The following ZNF492 variants were observed in gnomAD, a reference collection of about 807,000 sequenced individuals.
ZNF492 encodes zinc finger protein 492.
Under a neutral mutation model 6.4 loss-of-function variants are expected in ZNF492, and 3 were observed. The ratio of observed to expected loss-of-function variants is 0.47; its 90% CI spans 0.21 to 1.22. The LOEUF is 1.22. Among genes scored for constraint, ZNF492 ranks in the 50% most tolerant of loss-of-function variants. The pLI is 0.22. For synonymous variants in ZNF492, 112 were observed against 205.3 expected, an observed-to-expected ratio of 0.55 and a Z score of 3.89; for missense variants, 356 against 612.5, an observed-to-expected ratio of 0.58 and a Z score of 4.42.
chr19:22,640,198 TCTTGC>T (rs1236020525), intron 1 of ZNF492, among the ~76,000 whole-genome samples: 4 of 151,978 alleles, frequency 2.6e-5, no homozygotes, highest in Non-Finnish European at 5.9e-5. Flanking sequence ...AGTCTCACTC[TCTTGC>T]CTAGGCTGGA....
chr19:22,636,695 C>A (rs990687178), intron 1 of ZNF492, among the ~76,000 whole-genome samples: 1 of 150,552 alleles, frequency 6.6e-6, no homozygotes, highest in Non-Finnish European at 1.5e-5. Context: ...AGGGCAATGG[C>A]ACGATCTTGG....
chr19:22,647,501 A>AT (rs1250501457), intron 1 of ZNF492, among the ~76,000 whole-genome samples: 1 of 148,146 alleles, frequency 6.8e-6, no homozygotes. Flanking sequence ...ACCTCAGGTG[A>AT]TCCCCCCCAA....
At chr19:22,646,271 C>CT (rs1971876490) in intron 1 of ZNF492, among the ~76,000 whole-genome samples, 1 of 152,048 alleles carries the variant, frequency 6.6e-6, no homozygotes, top group Non-Finnish European at 1.5e-5. Flanking sequence ...ATATTTTATT[C>CT]TTTTTGTAGC....
chr19:22,662,088 C>G (rs1298540883), intron 3 of ZNF492, among the ~76,000 whole-genome samples: 1 of 152,148 alleles, frequency 6.6e-6, no homozygotes, highest in African/African-American at 2.4e-5. Flanking sequence ...CCCCCAGCCC[C>G]TCATACCCCG....
At chr19:22,661,651 CAATGGCATG>C (rs1321451835) in intron 3 of ZNF492, among the ~76,000 whole-genome samples, 1 of 151,964 alleles carries the variant, frequency 6.6e-6, no homozygotes, top group Non-Finnish European at 1.5e-5. Flanking sequence ...GGCTGCAGTG[CAATGGCATG>C]GTCTCAGCCC....
intron 1 of ZNF492, among the ~76,000 whole-genome samples, chr19:22,643,541 C>T (rs1313607709): frequency 1.3e-5 from 2 of 152,168 alleles, no homozygotes; most frequent in African/African-American, 4.8e-5. Flanking sequence ...TTATTTAAAA[C>T]ACCCATTCAT....
chr19:22,653,466 A>G (rs765727433), intron 2 of ZNF492, 33 bp downstream of exon 2: 7 of 1,594,226 alleles, frequency 4.4e-6, no homozygotes, highest in South Asian at 3.5e-5. Context: ...ATTCCCTAAT[A>G]TACCCTATAA....
In ZNF492 at chr19:22,665,004, A is replaced by T; in HGVS notation, c.1335A>T (p.Gly445=). 1.9e-6 allele frequency: 3 copies of T among 1,583,756 alleles called. No individual in the cohort carries two copies. The highest frequency in any genetic ancestry group is 1.7e-6 in the Non-Finnish European group (2 of 1,163,998). The change falls in exon 4 of 4, where the codon GGA becomes GGT. Residue 445 remains glycine, a synonymous_variant. Coordinates refer to ENST00000456783, the MANE Select transcript of ZNF492 (RefSeq NM_020855.3). ...CTAAACATAAGGTAATTCATACTGG[A>T]GAGAAGCCCTACAAATATGAAGAAT... ...TLSKHKVIHT[G]EKPYKYEECG...
chr19:22,659,887 A>G (rs1405388333), intron 3 of ZNF492, among the ~76,000 whole-genome samples: 8 of 152,002 alleles, frequency 5.3e-5, no homozygotes, highest in African/African-American at 1.9e-4. Flanking sequence ...GCCAGTCTCG[A>G]ACTCTTGACC....
At position 22,639,396 on chromosome 19, in the gene ZNF492, T is replaced by G. The variant is rs574676008; in HGVS notation, c.-94+4922T>G. On this transcript the variant is annotated intron_variant, in intron 1 of 3. Transcript: ENST00000456783. The stretch of plus-strand genomic sequence containing the variant: ...TTTATTTTGTATTCTGAAATTTTAC[T>G]GAAGTTTTTTGTCAGTTTGAAAAGC... Among the ~76,000 whole-genome samples, 22 of 152,210 alleles carry G rather than the reference T, an allele frequency of 1.4e-4. 1 individual carries two copies. The South Asian group carries it at 4.6e-3, about 32-fold the overall frequency.
At position 22,655,810 on chromosome 19, in the gene ZNF492, C is replaced by CTTTTT. The variant is rs1568355644; in HGVS notation, c.130+1797_130+1798insTTTTT. On this transcript the variant is annotated intron_variant, in intron 3 of 3. Coordinates refer to ENST00000456783, the MANE Select transcript of ZNF492 (RefSeq NM_020855.3). ...GGAGCAAACACCTCTTCAAGTTTTT[C>CTTTTT]TTGTTGTTTTTTTTTTTTTTTTTTT... Among the ~76,000 whole-genome samples the CTTTTT allele has an allele frequency of 5.7e-4, 34 of 59,356 alleles. 1 individual carries two copies. The highest frequency in any genetic ancestry group is 2.5e-3 in the African/African-American group (33 of 13,440). 38.9% of individuals were successfully genotyped at this position (59,356 alleles called of 152,430 possible). A position where few individuals can be genotyped will look rare whatever the true frequency, so the allele number is the denominator to read the frequency against.
At position 22,641,286 on chromosome 19, in the gene ZNF492, C is replaced by A. The variant is rs149056102; in HGVS notation, c.-94+6812C>A. Reference sequence around the variant, plus strand: ...CTGCCTTAGCTGTGTTGCAAAAATTCAGGTATGTTGTATCTTTGTTCTCAT... The same window carrying A: ...CTGCCTTAGCTGTGTTGCAAAAATTAAGGTATGTTGTATCTTTGTTCTCAT... On this transcript the variant is annotated intron_variant, in intron 1 of 3. Coordinates refer to ENST00000456783, the MANE Select transcript of ZNF492 (RefSeq NM_020855.3). Among the ~76,000 whole-genome samples the A allele has an allele frequency of 5.5e-3, 831 of 152,220 alleles. 7 individuals carry two copies. Among genetic ancestry groups the A allele is most frequent in the Admixed American group, 8.9e-3 (136 of 15,274 alleles).
chr19:22,666,232 C>T lies in ZNF492; in HGVS notation c.*967C>T, dbSNP rs536535650. ...GATGGAGTCTTGCTCTATCGCCCCC[C>T]CAGGCTGGAGTACAGTGGCACGATC... On this transcript the variant is annotated 3_prime_UTR_variant, in exon 4 of 4. Transcript: ENST00000456783. 8.0e-5 allele frequency: 12 copies of T among 149,688 alleles called. No homozygotes were observed. Among genetic ancestry groups the T allele is most frequent in the Admixed American group, 2.6e-4 (4 of 15,104 alleles). The allele number at this position is 149,688 out of a possible 1,614,324, so 9.3% of individuals were successfully genotyped here.
intron 1 of ZNF492, among the ~76,000 whole-genome samples, chr19:22,635,573 CTG>C (rs1347273482): frequency 6.6e-6 from 1 of 152,220 alleles, no homozygotes; most frequent in Non-Finnish European, 1.5e-5. Flanking sequence ...TAAAAAATCT[CTG>C]TGCCTCTTTT....
At chr19:22,656,320 G>A (rs1356337794) in intron 3 of ZNF492, among the ~76,000 whole-genome samples, 1 of 150,326 alleles carries the variant, frequency 6.7e-6, no homozygotes, top group African/African-American at 2.5e-5. Flanking sequence ...TTTTATTTTT[G>A]GACAGAGTGA....
At chr19:22,651,530 A>C (rs537967888) in intron 1 of ZNF492, among the ~76,000 whole-genome samples, 1 of 149,570 alleles carries the variant, frequency 6.7e-6, no homozygotes, top group Non-Finnish European at 1.5e-5. Flanking sequence ...TATAATAGTC[A>C]AAGGTCTCTG....
rs869202400 is a variant in ZNF492, at chr19:22,642,384, C to CTTTTTTTTTTTT, written c.-94+7922_-94+7933dup. ...ATTAACAGCTAAATAAACCTTTTGT[C>CTTTTTTTTTTTT]TTTTTTTTTTTTTTTTTTTTTTTGA... On this transcript the variant is annotated intron_variant, in intron 1 of 3. Coordinates refer to ENST00000456783, the MANE Select transcript of ZNF492 (RefSeq NM_020855.3). Among the ~76,000 whole-genome samples, 8 of 85,492 alleles carry CTTTTTTTTTTTT rather than the reference C, an allele frequency of 9.4e-5. 1 individual carries two copies. Among genetic ancestry groups the CTTTTTTTTTTTT allele is most frequent in the African/African-American group, 2.8e-4 (5 of 18,130 alleles). The allele number at this position is 85,492 out of a possible 152,430, so 56.1% of individuals were successfully genotyped here.
In ZNF492 at chr19:22,665,068, C is replaced by A. The variant is rs1278985737; in HGVS notation, c.1399C>A (p.His467Asn). The change falls in exon 4 of 4, where the codon CAT (histidine) becomes AAT (asparagine). Residue 467 changes from histidine to asparagine, a missense_variant. This residue lies in a region of ZNF492 where 81 missense variants were observed against 115.4 expected (regional missense o/e 0.70). Coordinates refer to ENST00000456783, the MANE Select transcript of ZNF492 (RefSeq NM_020855.3). Reference sequence around the variant, plus strand: ...TAACCAGTCCTCACACCTTACTACACATAAGATGATTCATACTGGAGAGAA... The same window carrying A: ...TAACCAGTCCTCACACCTTACTACAAATAAGATGATTCATACTGGAGAGAA... ...AFNQSSHLTT[H>N]KMIHTGEKPY... 1 of 1,606,602 alleles carries A rather than the reference C, an allele frequency of 6.2e-7. No homozygotes were observed. The highest frequency in any genetic ancestry group is 1.4e-5 in the African/African-American group (1 of 70,222).
At chr19:22,652,977 T>C (rs1971956917) in intron 1 of ZNF492, among the ~76,000 whole-genome samples, 1 of 152,004 alleles carries the variant, frequency 6.6e-6, no homozygotes, top group Admixed American at 6.6e-5. Context: ...GTCTTTTCCA[T>C]CTGAAAAATT....
Sources: gnomAD v4.1 joint callset for allele counts (sites outside exome capture counted in the v4.1 genomes callset) on GRCh38, gnomAD v4.1.1 for gene constraint, gnomAD v4.1.1 regional missense constraint, MANE v1.5 for transcripts, NCBI Gene and HGNC (gene_info 2026-07-23, HGNC 2026-07-21) for gene names.